Variants in DYRK1A observed in about 807,000 individuals in gnomAD.
DYRK1A encodes dual specificity tyrosine-phosphorylation-regulated kinase 1A.
A neutral mutation model predicts 79.7 loss-of-function variants in DYRK1A; 9 were observed. The ratio of observed to expected loss-of-function variants is 0.11; its 90% CI spans 0.07 to 0.20. The LOEUF (loss-of-function observed/expected upper bound fraction) is 0.20. DYRK1A is among the 10% of genes least tolerant of loss of function. DYRK1A has a pLI of 1.00. For missense variants in DYRK1A, 622 were observed against 956.0 expected, an observed-to-expected ratio of 0.65 and a Z score of 4.61; for synonymous variants, 349 against 329.7, an observed-to-expected ratio of 1.06 and a Z score of -0.63.
Position 37,517,016 on chromosome 21 carries a change from A to G in DYRK1A, c.*4485A>G, listed in dbSNP as rs1157169637. ...ATCAGGTGTGGAATTAATGTGGGTA[A>G]ATTTCCATTTCAGTTGAATTTCCTG... On this transcript the variant is annotated 3_prime_UTR_variant, in exon 12 of 12. Transcript: ENST00000647188. 6.6e-6 allele frequency: 1 copy of G among 152,056 alleles called. No homozygotes were observed. The highest frequency in any genetic ancestry group is 1.5e-5 in the Non-Finnish European group (1 of 68,020). 9.4% of individuals were successfully genotyped at this position (152,056 alleles called of 1,614,324 possible).
intron 1 of DYRK1A, among the ~76,000 whole-genome samples, chr21:37,409,565 G>C (rs1291470044): frequency 6.6e-6 from 1 of 152,124 alleles, no homozygotes; most frequent in East Asian, 1.9e-4. Context: ...GTGGCCCCTA[G>C]TTACAGTTCA....
At chr21:37,392,248 G>C (rs1425124898) in intron 1 of DYRK1A, among the ~76,000 whole-genome samples, 1 of 152,162 alleles carries the variant, frequency 6.6e-6, no homozygotes, top group Non-Finnish European at 1.5e-5. Flanking sequence ...GTAACCTGAC[G>C]TACTCATCTC....
intron 9 of DYRK1A, among the ~76,000 whole-genome samples, chr21:37,499,087 A>C (rs2053361794): frequency 6.6e-6 from 1 of 152,046 alleles, no homozygotes; most frequent in African/African-American, 2.4e-5. Context: ...TTAATATGGT[A>C]TCTTTTGATG....
At chr21:37,417,246 AATGGCAT>A (rs1182241864) in intron 1 of DYRK1A, among the ~76,000 whole-genome samples, 3 of 152,048 alleles carry the variant, frequency 2.0e-5, no homozygotes, top group Admixed American at 1.3e-4. Context: ...GCTGGAGTGC[AATGGCAT>A]GATCTCGGTT....
chr21:37,417,547 T>C (rs201491751), intron 1 of DYRK1A, among the ~76,000 whole-genome samples: 48 of 71,272 alleles, frequency 6.7e-4, no homozygotes, highest in Middle Eastern at 7.1e-3. Flanking sequence ...TTTTTTTTTT[T>C]TTTTTTTACA....
At chr21:37,458,826 C>T (rs2051745587) in intron 2 of DYRK1A, among the ~76,000 whole-genome samples, 1 of 152,196 alleles carries the variant, frequency 6.6e-6, no homozygotes, top group Non-Finnish European at 1.5e-5. Flanking sequence ...TTTTGAGCAG[C>T]TGGAGGCTTG....
chr21:37,468,058 T>G (rs2052091550), intron 2 of DYRK1A, among the ~76,000 whole-genome samples: 1 of 152,172 alleles, frequency 6.6e-6, no homozygotes, highest in South Asian at 2.1e-4. Flanking sequence ...TGGATTTGTT[T>G]TGGTGGATTT....
At chr21:37,392,048 T>G (rs2049880301) in intron 1 of DYRK1A, among the ~76,000 whole-genome samples, 1 of 152,246 alleles carries the variant, frequency 6.6e-6, no homozygotes, top group Non-Finnish European at 1.5e-5. Context: ...TAAATGATGT[T>G]GAGTAAATTG....
At chr21:37,478,820 A>G (rs138233892) in intron 4 of DYRK1A, among the ~76,000 whole-genome samples, 5 of 152,244 alleles carry the variant, frequency 3.3e-5, no homozygotes, top group East Asian at 1.9e-4. Context: ...TCTTTTATCT[A>G]TATCTTTTTA....
At chr21:37,374,743 C>T (rs1056570100) in intron 1 of DYRK1A, among the ~76,000 whole-genome samples, 21 of 151,932 alleles carry the variant, frequency 1.4e-4, no homozygotes, top group African/African-American at 7.3e-5. Context: ...TTAGTAGAGA[C>T]GGGGTTTCAC....
chr21:37,394,770 A>G (rs1282331505), intron 1 of DYRK1A, among the ~76,000 whole-genome samples: 1 of 152,218 alleles, frequency 6.6e-6, no homozygotes, highest in Admixed American at 6.5e-5. Context: ...TCTTCCACAA[A>G]AGTAGTCCCT....
chr21:37,392,590 C>T (rs1437771303), intron 1 of DYRK1A, among the ~76,000 whole-genome samples: 2 of 152,174 alleles, frequency 1.3e-5, no homozygotes, highest in Non-Finnish European at 1.5e-5. Flanking sequence ...GCCGTGTCCT[C>T]ACATGATGGA....
At chr21:37,441,088 A>G (rs529634815) in intron 2 of DYRK1A, among the ~76,000 whole-genome samples, 1 of 152,204 alleles carries the variant, frequency 6.6e-6, no homozygotes, top group South Asian at 2.1e-4. Context: ...ATAGGTTCAT[A>G]GATGTTCAGG....
intron 1 of DYRK1A, among the ~76,000 whole-genome samples, chr21:37,386,603 A>C (rs2049765807): frequency 6.6e-6 from 1 of 152,172 alleles, no homozygotes; most frequent in Admixed American, 6.5e-5. Context: ...TATTCTAAAC[A>C]ATGTGCTTGT....
At chr21:37,463,270 TA>T (rs1462482296) in intron 2 of DYRK1A, among the ~76,000 whole-genome samples, 28 of 150,526 alleles carry the variant, frequency 1.9e-4, no homozygotes, top group Non-Finnish European at 1.5e-4. Context: ...TAGAGGGTAA[TA>T]AGAAAGCAGT....
At chr21:37,465,050 C>T (rs559981813) in intron 2 of DYRK1A, among the ~76,000 whole-genome samples, 7 of 152,248 alleles carry the variant, frequency 4.6e-5, no homozygotes, top group South Asian at 4.1e-4. Context: ...ACACAGCAGT[C>T]GAGTTAAGAA....
intron 5 of DYRK1A, among the ~76,000 whole-genome samples, chr21:37,485,316 T>C (rs552183405): frequency 6.6e-6 from 1 of 152,162 alleles, no homozygotes; most frequent in South Asian, 2.1e-4. Flanking sequence ...AGCAGAAGCA[T>C]ATCAGAACCC....
chr21:37,405,218 A>G (rs891583314), intron 1 of DYRK1A, among the ~76,000 whole-genome samples: 1 of 152,142 alleles, frequency 6.6e-6, no homozygotes, highest in Non-Finnish European at 1.5e-5. Context: ...TAGGGTTGGA[A>G]TCATGGCCCA....
At chr21:37,403,957 C>G (rs1031153387) in intron 1 of DYRK1A, among the ~76,000 whole-genome samples, 1 of 151,882 alleles carries the variant, frequency 6.6e-6, no homozygotes, top group African/African-American at 2.4e-5. Flanking sequence ...ATATGGTGGA[C>G]CATGACTTTC....
Sources: allele counts gnomAD v4.1 joint callset (sites outside exome capture counted in the v4.1 genomes callset), GRCh38; gene constraint gnomAD v4.1.1; transcripts MANE v1.5; gene names NCBI Gene and HGNC (gene_info 2026-07-23, HGNC 2026-07-21).